ARHGAP44: variants seen among roughly 807,000 people sequenced by gnomAD.
ARHGAP44 encodes rho GTPase-activating protein 44.
Under a neutral mutation model 106.8 loss-of-function variants are expected in ARHGAP44, and 43 were observed. The ratio of observed to expected loss-of-function variants is 0.40; its 90% CI spans 0.32 to 0.52. The LOEUF is 0.52. ARHGAP44 is among the 20% of genes least tolerant of loss of function. The pLI, the probability that ARHGAP44 is intolerant of heterozygous loss-of-function variation, is 0.48. For missense variants in ARHGAP44, 866 were observed against 1,050.5 expected, an observed-to-expected ratio of 0.82 and a Z score of 2.43; for synonymous variants, 439 against 410.3, an observed-to-expected ratio of 1.07 and a Z score of -0.85.
chr17:12,818,427 G>T (rs969490012), intron 1 of ARHGAP44, among the ~76,000 whole-genome samples: 4 of 151,594 alleles, frequency 2.6e-5, no homozygotes, highest in African/African-American at 4.8e-5. Flanking sequence ...ATTGAGGCAG[G>T]GATGTTCGCT....
At position 12,792,833 on chromosome 17, in the gene ARHGAP44, C is replaced by A. The variant is rs114927664; in HGVS notation, c.53+2942C>A. ...TACTCTGCTGGGTTACTAGTACTTT[C>A]TCTCGAAGTGCTCACATCCAAGTCA... is the stretch of plus-strand genomic sequence containing the variant. On this transcript the variant is annotated intron_variant, in intron 1 of 20. Coordinates refer to ENST00000379672, the MANE Select transcript of ARHGAP44 (RefSeq NM_014859.6). Among the ~76,000 whole-genome samples, 231 of 152,282 alleles carry A rather than the reference C, an allele frequency of 1.5e-3. 3 individuals carry two copies. The highest frequency in any genetic ancestry group is 5.4e-3 in the African/African-American group (225 of 41,568).
intron 1 of ARHGAP44, among the ~76,000 whole-genome samples, chr17:12,843,875 T>C (rs2035490322): frequency 6.6e-6 from 1 of 151,858 alleles, no homozygotes; most frequent in Non-Finnish European, 1.5e-5. Context: ...CAGGATGCTC[T>C]CAATCTCTTG....
chr17:12,793,375 A>G (rs1209886293), intron 1 of ARHGAP44, among the ~76,000 whole-genome samples: 1 of 152,200 alleles, frequency 6.6e-6, no homozygotes, highest in Non-Finnish European at 1.5e-5. Context: ...TTCAGGGAGT[A>G]TTGCAGTACA....
rs2033667441 is a variant in ARHGAP44, at chr17:12,789,655, C to A, written c.-184C>A. On this transcript the variant is annotated 5_prime_UTR_variant, in exon 1 of 21. Transcript: ENST00000379672. ...GGGGATGCGGCAGGAGGCGGCGCGGCGGGAGGAGTAGGCGGCGGCGCCCTC... is the reference window on the plus strand; with the variant it reads ...GGGGATGCGGCAGGAGGCGGCGCGGAGGGAGGAGTAGGCGGCGGCGCCCTC... 2.7e-6 allele frequency: 1 copy of A among 375,616 alleles called. No individual in the cohort carries two copies. Among genetic ancestry groups the A allele is most frequent in the Non-Finnish European group, 4.6e-6 (1 of 217,170 alleles). The allele number at this position is 375,616 out of a possible 1,614,324, so 23.3% of individuals were successfully genotyped here. A position where few individuals can be genotyped will look rare whatever the true frequency, so the allele number is the denominator to read the frequency against.
chr17:12,981,645 A>C (rs928763316), intron 19 of ARHGAP44, among the ~76,000 whole-genome samples: 2 of 151,458 alleles, frequency 1.3e-5, no homozygotes, highest in Admixed American at 1.3e-4. Context: ...TGATCTGCCC[A>C]CCTCGGCCTC....
At chr17:12,871,077 G>A (rs774149267) in intron 1 of ARHGAP44, among the ~76,000 whole-genome samples, 12 of 151,880 alleles carry the variant, frequency 7.9e-5, no homozygotes, top group Non-Finnish European at 1.8e-4. Flanking sequence ...ACATAGTTTG[G>A]CCTTCTATGC....
chr17:12,943,686 C>T lies in ARHGAP44; in HGVS notation c.733+17C>T, dbSNP rs1179558974. The T allele has an allele frequency of 1.9e-6, 3 of 1,612,660 alleles. No homozygotes were observed. Among genetic ancestry groups the T allele is most frequent in the Admixed American group, 3.3e-5 (2 of 59,968 alleles). On this transcript the variant is annotated intron_variant, in intron 9 of 20. Coordinates refer to ENST00000379672, the MANE Select transcript of ARHGAP44 (RefSeq NM_014859.6). ...CACAACAGGGTAAGTGCAGGCCTTC[C>T]CTGGAGAAGGGAGGGCCGGGGTGCC...
At chr17:12,936,102 A>G (rs575313919) in intron 7 of ARHGAP44, among the ~76,000 whole-genome samples, 57 of 152,344 alleles carry the variant, frequency 3.7e-4, no homozygotes, top group African/African-American at 1.3e-3. Context: ...GAGGCCTCCC[A>G]TATATGTCAT....
rs368046179 is a variant in ARHGAP44, at chr17:12,928,716, G to A, written c.465-213G>A. Among the ~76,000 whole-genome samples the A allele has an allele frequency of 1.3e-3, 203 of 152,312 alleles. 7 individuals carry two copies. In the South Asian group the frequency reaches 0.04, roughly 30 times the overall value. On this transcript the variant is annotated intron_variant, in intron 6 of 20. Coordinates refer to ENST00000379672, the MANE Select transcript of ARHGAP44 (RefSeq NM_014859.6). ...GATGCTCGTCCTATCTGAAGGGGCAGCTGATTCTCAGCTTCAGTAAGCAGT... is the reference window on the plus strand; with the variant it reads ...GATGCTCGTCCTATCTGAAGGGGCAACTGATTCTCAGCTTCAGTAAGCAGT...
chr17:12,829,039 C>A (rs1269357218), intron 1 of ARHGAP44, among the ~76,000 whole-genome samples: 1 of 152,090 alleles, frequency 6.6e-6, no homozygotes, highest in Non-Finnish European at 1.5e-5. Flanking sequence ...ATCAAGATTG[C>A]AAAGTTTAGT....
intron 1 of ARHGAP44, among the ~76,000 whole-genome samples, chr17:12,857,859 A>G (rs1489847906): frequency 1.3e-5 from 2 of 151,948 alleles, no homozygotes; most frequent in East Asian, 1.9e-4. Context: ...GTTAGCAGAT[A>G]TCACTAGGTG....
At chr17:12,978,033 T>G (rs2039731764) in intron 18 of ARHGAP44, among the ~76,000 whole-genome samples, 1 of 4,142 alleles carries the variant, frequency 2.4e-4, no homozygotes, top group African/African-American at 1.1e-3. Flanking sequence ...CAAGACTCCA[T>G]CTCAAAAAAA....
At chr17:12,921,969 AACTT>A (rs1422127739) in intron 6 of ARHGAP44, among the ~76,000 whole-genome samples, 1 of 152,176 alleles carries the variant, frequency 6.6e-6, no homozygotes, top group Non-Finnish European at 1.5e-5. Context: ...TTCTTTGGTT[AACTT>A]ACTTGTCCCC....
chr17:12,853,879 T>C (rs2035831770), intron 1 of ARHGAP44, among the ~76,000 whole-genome samples: 1 of 152,184 alleles, frequency 6.6e-6, no homozygotes, highest in Non-Finnish European at 1.5e-5. Context: ...GACTCTTCAT[T>C]TACCTCTGCC....
At chr17:12,917,439 C>T (rs932272053) in intron 5 of ARHGAP44, 2 of 152,508 alleles carry the variant, frequency 1.3e-5, no homozygotes, top group African/African-American at 4.8e-5. Flanking sequence ...GTCAAAGAAC[C>T]TGGAGTCTGA....
intron 1 of ARHGAP44, among the ~76,000 whole-genome samples, chr17:12,804,073 G>A (rs111640232): frequency 3.2e-4 from 49 of 152,312 alleles, no homozygotes; most frequent in African/African-American, 1.1e-3. Context: ...TAAGTCACTT[G>A]CTGTCTTTCT....
intron 16 of ARHGAP44, among the ~76,000 whole-genome samples, chr17:12,959,933 G>T (rs1178144246): frequency 1.3e-5 from 2 of 152,254 alleles, no homozygotes; most frequent in African/African-American, 4.8e-5. Context: ...GCCTAAAGCG[G>T]TGCAGGAGGG....
At position 12,956,670 on chromosome 17, in the gene ARHGAP44, G is replaced by T; in HGVS notation, c.1266G>T (p.Met422Ile). 2 of 1,614,108 alleles carry T rather than the reference G, an allele frequency of 1.2e-6. No individual in the cohort carries two copies. The highest frequency in any genetic ancestry group is 1.7e-6 in the Non-Finnish European group (2 of 1,179,982). Residue 422 changes from methionine to isoleucine, a missense_variant, in exon 15 of 21, where the codon ATG becomes ATT. By Grantham distance (10) the Met-to-Ile change is conservative (BLOSUM62 1). Coordinates refer to ENST00000379672, the MANE Select transcript of ARHGAP44 (RefSeq NM_014859.6). ...WPQAEGNITEMMTTVSLQIVG... is the reference protein window; with the variant it reads ...WPQAEGNITEIMTTVSLQIVG... Reference sequence around the variant, plus strand: ...CTGCTTACAGGAACATTACAGAGATGATGACCACAGTGTCGCTGCAAATTG... The same window carrying T: ...CTGCTTACAGGAACATTACAGAGATTATGACCACAGTGTCGCTGCAAATTG...
At chr17:12,869,342 A>G (rs983250491) in intron 1 of ARHGAP44, among the ~76,000 whole-genome samples, 3 of 152,242 alleles carry the variant, frequency 2.0e-5, no homozygotes, top group African/African-American at 7.2e-5. Flanking sequence ...CATTAGCAAT[A>G]TTAAGATAAG....
Sources: gnomAD v4.1 joint callset for allele counts (sites outside exome capture counted in the v4.1 genomes callset) on GRCh38, gnomAD v4.1.1 for gene constraint, MANE v1.5 for transcripts, NCBI Gene and HGNC (gene_info 2026-07-23, HGNC 2026-07-21) for gene names.